The following KIDINS220 variants were observed in gnomAD, a reference collection of about 807,000 sequenced individuals.
KIDINS220 encodes the protein kinase D-interacting substrate of 220 kDa.
KIDINS220 carries 63 observed loss-of-function variants against 157.6 expected under a neutral mutation model. The observed-to-expected ratio is 0.40, with a 90% CI of 0.33 to 0.49. KIDINS220 has a LOEUF of 0.49. Among genes scored for constraint, KIDINS220 ranks in the 20% least tolerant of loss-of-function variants. KIDINS220 has a pLI of 0.66. For synonymous variants in KIDINS220, 732 were observed against 783.6 expected, an observed-to-expected ratio of 0.93 and a Z score of 1.10; for missense variants, 1,772 against 2,171.2, an observed-to-expected ratio of 0.82 and a Z score of 3.65.
At chr2:8,813,819 G>C (rs138915065) in intron 4 of KIDINS220, among the ~76,000 whole-genome samples, 4,600 of 152,086 alleles carry the variant, frequency 0.03, 259 homozygotes, top group African/African-American at 0.11. Flanking sequence ...AACTATTCGG[G>C]AGGCTGAGGC....
intron 4 of KIDINS220, among the ~76,000 whole-genome samples, chr2:8,814,535 T>C (rs1265009819): frequency 6.6e-6 from 1 of 152,182 alleles, no homozygotes; most frequent in East Asian, 1.9e-4. Context: ...GTAGGCACTC[T>C]TCCTTACAGA....
At chr2:8,793,585 A>G (rs1281520572) in intron 12 of KIDINS220, among the ~76,000 whole-genome samples, 1 of 152,156 alleles carries the variant, frequency 6.6e-6, no homozygotes, top group Non-Finnish European at 1.5e-5. Context: ...GACTACAAGC[A>G]CACCACCACG....
intron 7 of KIDINS220, among the ~76,000 whole-genome samples, 185 bp from the exon 8 acceptor site, chr2:8,803,312 G>A (rs1349270646): frequency 6.6e-6 from 1 of 151,918 alleles, no homozygotes; most frequent in Non-Finnish European, 1.5e-5. Flanking sequence ...TGGCTAGGAG[G>A]TATCTTTTGT....
At position 8,779,766 on chromosome 2, in the gene KIDINS220, C is replaced by A. The variant is rs1222393873; in HGVS notation, c.2278G>T (p.Asp760Tyr). 1 of 1,614,156 alleles carries A rather than the reference C, an allele frequency of 6.2e-7. No homozygotes were observed. Among genetic ancestry groups the A allele is most frequent in the Admixed American group, 1.7e-5 (1 of 60,026 alleles). ...ELMARMAKTI[D>Y]SFTQNQTRLV... ...CTTGTCTGATTCTGAGTGAAGCTGT[C>A]AATGGTTTTTGCCATCCTGGCCATC... Residue 760 changes from aspartate (D) to tyrosine (Y), a missense_variant, in exon 18 of 30, where the codon GAC becomes TAC. Physicochemically the swap from Asp to Tyr is radical, Grantham distance 160. Transcript: ENST00000256707.
chr2:8,747,120 C>T (rs1173445231), intron 26 of KIDINS220, 25 bp downstream of exon 26: 2 of 1,608,906 alleles, frequency 1.2e-6, no homozygotes, highest in Admixed American at 3.3e-5. Flanking sequence ...TGCCAGCGAT[C>T]CACACCACAG....
At chr2:8,771,030 A>C (rs1163855401) in intron 21 of KIDINS220, among the ~76,000 whole-genome samples, 198 bp from the exon 22 acceptor site, 1 of 152,152 alleles carries the variant, frequency 6.6e-6, no homozygotes, top group Non-Finnish European at 1.5e-5. Flanking sequence ...CTTAAACACA[A>C]TTTTAATTCT....
intron 20 of KIDINS220, among the ~76,000 whole-genome samples, chr2:8,777,646 C>T (rs1035661132): frequency 6.6e-6 from 1 of 152,156 alleles, no homozygotes; most frequent in African/African-American, 2.4e-5. Context: ...GGGACAGCCT[C>T]TCTAACTATC....
chr2:8,752,327 T>C (rs1290331728), intron 22 of KIDINS220, among the ~76,000 whole-genome samples: 1 of 152,200 alleles, frequency 6.6e-6, no homozygotes, highest in Non-Finnish European at 1.5e-5. Context: ...TAAAAATTTT[T>C]TTTTTTAATA....
chr2:8,787,162 ATTCCCCCAATTATTTTATTCTGTT>A (rs1672526041), intron 15 of KIDINS220, among the ~76,000 whole-genome samples: 1 of 151,624 alleles, frequency 6.6e-6, no homozygotes. Flanking sequence ...CTGTAAAAAT[ATTCCCCCAATTATTTTATTCTGTT>A]TTCCTTTTAA....
downstream of KIDINS220, chr2:8,727,298 C>G (rs879392959): frequency 9.6e-7 from 1 of 1,039,540 alleles, no homozygotes; most frequent in Non-Finnish European, 1.2e-6. Context: ...AAAGGAGGCT[C>G]GATGCTCAGT....
At chr2:8,812,918 TTTTC>T (rs1676526173) in intron 5 of KIDINS220, among the ~76,000 whole-genome samples, 2 of 152,188 alleles carry the variant, frequency 1.3e-5, no homozygotes, top group South Asian at 2.1e-4. Flanking sequence ...TAAATGTTTC[TTTTC>T]TTTAAGTTCA....
intron 17 of KIDINS220, 48 bp from the exon 18 acceptor site, chr2:8,779,862 A>G (rs1344888363): frequency 6.3e-7 from 1 of 1,587,570 alleles, no homozygotes; most frequent in South Asian, 1.1e-5. Context: ...AGATCCAAGA[A>G]GCTTAAACAT....
At chr2:8,741,786 CTT>C in intron 26 of KIDINS220, among the ~76,000 whole-genome samples, 1 of 152,300 alleles carries the variant, frequency 6.6e-6, no homozygotes, top group South Asian at 2.1e-4. Flanking sequence ...GGCACAAAGA[CTT>C]TCAAGCGGGA....
chr2:8,754,672 T>C (rs558712560), intron 22 of KIDINS220, among the ~76,000 whole-genome samples: 7 of 152,364 alleles, frequency 4.6e-5, no homozygotes, highest in Non-Finnish European at 7.4e-5. Context: ...CAGTGGTTTA[T>C]ACAAAGTCCA....
chr2:8,752,030 G>GT (rs1466663376), intron 22 of KIDINS220, among the ~76,000 whole-genome samples: 3 of 151,612 alleles, frequency 2.0e-5, no homozygotes, highest in South Asian at 2.1e-4. Context: ...AATTTTTAGG[G>GT]TTTTTTTTGA....
rs890180334 is a variant in KIDINS220 at position 8,737,123 on chromosome 2, T to A, written c.3586-124A>T. The A allele has an allele frequency of 5.4e-6, 5 of 921,628 alleles. No homozygotes were observed. The Admixed American group carries it at 1.1e-4, about 20-fold the overall frequency. The allele number at this position is 921,628 out of a possible 1,614,324, so 57.1% of individuals were successfully genotyped here. A position where few individuals can be genotyped will look rare whatever the true frequency, so the allele number is the denominator to read the frequency against. Reference sequence around the variant, plus strand: ...AGTAAAGTAAAAAAAAACAAATATGTTTAGCATGGTAAGGAAATACCATTA... The same window carrying A: ...AGTAAAGTAAAAAAAAACAAATATGATTAGCATGGTAAGGAAATACCATTA... On this transcript the variant is annotated intron_variant, in intron 26 of 29. Transcript: ENST00000256707.
chr2:8,823,746 T>C (rs1431886966), intron 2 of KIDINS220, among the ~76,000 whole-genome samples: 1 of 152,196 alleles, frequency 6.6e-6, no homozygotes, highest in East Asian at 1.9e-4. Flanking sequence ...GAAACTATCA[T>C]ATGGTTATTC....
intron 2 of KIDINS220, among the ~76,000 whole-genome samples, chr2:8,821,523 C>T (rs10175218): frequency 0.96 from 145,715 of 152,286 alleles, 69,873 homozygotes; most frequent in East Asian, 1. Context: ...ACTGATGTGA[C>T]GCAATAGGCA....
chr2:8,764,089 G>A (rs1669122641), intron 22 of KIDINS220, among the ~76,000 whole-genome samples: 2 of 152,164 alleles, frequency 1.3e-5, no homozygotes, highest in South Asian at 2.1e-4. Flanking sequence ...AACATATTTT[G>A]CAGCAACTTG....
Sources: allele counts gnomAD v4.1 joint callset (sites outside exome capture counted in the v4.1 genomes callset), GRCh38; gene constraint gnomAD v4.1.1; transcripts MANE v1.5; gene names NCBI Gene and HGNC (gene_info 2026-07-23, HGNC 2026-07-21).